The following AOC1 variants were observed in gnomAD, a reference collection of about 807,000 sequenced individuals.
The protein encoded by AOC1 is amine oxidase copper containing 1.
Under a neutral mutation model 57.1 loss-of-function variants are expected in AOC1, and 58 were observed. The observed-to-expected ratio is 1.02, with a 90% CI of 0.82 to 1.26. AOC1 has a LOEUF of 1.26. AOC1 is among the 50% of genes most tolerant of loss of function. AOC1 has a pLI of 0.00. For synonymous variants in AOC1, 401 were observed against 423.4 expected, an observed-to-expected ratio of 0.95 and a Z score of 0.65; for missense variants, 917 against 1,005.3, an observed-to-expected ratio of 0.91 and a Z score of 1.19.
intron 3 of AOC1, among the ~76,000 whole-genome samples, chr7:150,859,501 A>C (rs568631479): frequency 6.6e-6 from 1 of 151,842 alleles, no homozygotes; most frequent in African/African-American, 2.4e-5. Context: ...CAGGAGATCA[A>C]GACCATCCTG....
chr7:150,856,368 C>G lies in AOC1; in HGVS notation c.-16-87C>G. 1 of 1,462,854 alleles carries G rather than the reference C, an allele frequency of 6.8e-7. No homozygotes were observed. The highest frequency in any genetic ancestry group is 9.1e-7 in the Non-Finnish European group (1 of 1,103,496). 90.6% of individuals were successfully genotyped at this position (1,462,854 alleles called of 1,614,324 possible). A position where few individuals can be genotyped will look rare whatever the true frequency, so the allele number is the denominator to read the frequency against. On this transcript the variant is annotated intron_variant, in intron 1 of 4. Transcript: ENST00000360937. The surrounding 1 kb of genome is among the most constrained non-coding windows in gnomAD (Gnocchi z 5.2). ...GCAGGGCAAGGGGAGGAAGCTCAGT[C>G]CATGGGAAAATTCCATGGCCCTAAC...
At chr7:150,853,661 CTATATATATATATATATATATATA>C (rs201712777) in intron 1 of AOC1, among the ~76,000 whole-genome samples, 6 of 62,764 alleles carry the variant, frequency 9.6e-5, no homozygotes, top group African/African-American at 2.6e-4. Context: ...GAGATCCTGA[CTATATATATATATATATATATATA>C]TATATATATA....
Position 150,861,218 on chromosome 7 carries a change from C to G in AOC1, c.*9C>G, listed in dbSNP as rs749945589. On this transcript the variant is annotated 3_prime_UTR_variant, in exon 5 of 5. Transcript: ENST00000360937. This position sits in a 1 kb window ranked among gnomAD's most constrained non-coding sequence, Gnocchi z 4.5. ...CCTATAGACCTGTGTGACCAGCCCC[C>G]AGTTCCTCCCCCAGTTCCTCCCAGG... The G allele has an allele frequency of 3.8e-6, 6 of 1,559,046 alleles. No individual in the cohort carries two copies. The South Asian group carries it at 7.1e-5, about 19-fold the overall frequency.
intron 1 of AOC1, among the ~76,000 whole-genome samples, chr7:150,854,636 G>A (rs541461433): frequency 3.9e-5 from 6 of 152,270 alleles, no homozygotes; most frequent in South Asian, 4.1e-4. Context: ...AAAAAGCCAC[G>A]GGAAAACAGG....
chr7:150,860,340 G>A (rs1799930322), intron 3 of AOC1, 161 bp from the exon 4 acceptor site: 1 of 1,313,974 alleles, frequency 7.6e-7, no homozygotes, highest in East Asian at 2.4e-5. Flanking sequence ...CCTGAACCCG[G>A]TTAACAGCAG....
rs200778786 is a variant in AOC1 at position 150,857,222 on chromosome 7, G to C, written c.752G>C (p.Arg251Pro). 1 of 1,612,746 alleles carries C rather than the reference G, an allele frequency of 6.2e-7. No homozygotes were observed. The highest frequency in any genetic ancestry group is 1.1e-5 in the South Asian group (1 of 90,838). ...KFYGSPEELA[R>P]KYADGEVDVV... ...TATGGGAGCCCAGAGGAACTGGCTC[G>C]GAAGTATGCAGATGGAGAGGTGGAC... Residue 251 changes from arginine (R) to proline (P), a missense_variant, in exon 2 of 5, where the codon CGG (arginine) becomes CCG (proline). Arg to Pro is a moderately radical substitution (Grantham distance 103, BLOSUM62 -2). Coordinates refer to ENST00000360937, the MANE Select transcript of AOC1 (RefSeq NM_001091.4). This position sits in a 1 kb window ranked among gnomAD's most constrained non-coding sequence, Gnocchi z 6.6.
intron 2 of AOC1, 97 bp from the exon 3 acceptor site, chr7:150,858,666 G>C: frequency 7.5e-7 from 1 of 1,325,284 alleles, no homozygotes; most frequent in South Asian, 1.5e-5. Flanking sequence ...ACAGTTGGCT[G>C]TTGGATGTGG....
At chr7:150,858,513 C>T (rs1355036075) in intron 2 of AOC1, among the ~76,000 whole-genome samples, 1 of 152,098 alleles carries the variant, frequency 6.6e-6, no homozygotes, top group Non-Finnish European at 1.5e-5. Flanking sequence ...GCCTCCCATG[C>T]CTGGAGAAAA....
chr7:150,858,266 C>T (rs915735823), intron 2 of AOC1, among the ~76,000 whole-genome samples: 2 of 152,100 alleles, frequency 1.3e-5, no homozygotes, highest in African/African-American at 4.8e-5. Flanking sequence ...CTGTCCTGAC[C>T]CTGGGGCTGT....
Position 150,856,656 on chromosome 7 carries a change from C to A in AOC1, c.186C>A (p.Thr62=), listed in dbSNP as rs202051008. ...TGAGGCTGCAGCCCTCCAGTACCACCACCATGGCCAAGAACACCGTGTTTC... is the reference window on the plus strand; with the variant it reads ...TGAGGCTGCAGCCCTCCAGTACCACAACCATGGCCAAGAACACCGTGTTTC... The part of the protein sequence containing the change: ...KELRLQPSST[T]TMAKNTVFLI... Residue 62 remains threonine (T), a synonymous_variant, in exon 2 of 5, where the codon ACC becomes ACA. Transcript: ENST00000360937. The surrounding 1 kb of genome is among the most constrained non-coding windows in gnomAD (Gnocchi z 5.2). 7.7e-5 allele frequency: 125 copies of A among 1,614,170 alleles called. No individual in the cohort carries two copies. In the African/African-American group the frequency reaches 1.5e-3, roughly 19 times the overall value.
In AOC1 at chr7:150,857,034, C is replaced by A. The variant is rs1402263566; in HGVS notation, c.564C>A (p.Ala188=). 6.2e-7 allele frequency: 1 copy of A among 1,614,028 alleles called. No homozygotes were observed. The highest frequency in any genetic ancestry group is 8.5e-7 in the Non-Finnish European group (1 of 1,180,012). ...HDRCLAFTDV[A]PRGVASGQRR... Reference sequence around the variant, plus strand: ...GATGCCTGGCCTTCACCGATGTGGCCCCCCGGGGTGTGGCTTCTGGCCAGC... The same window carrying A: ...GATGCCTGGCCTTCACCGATGTGGCACCCCGGGGTGTGGCTTCTGGCCAGC... Residue 188 remains alanine (A), a synonymous_variant, in exon 2 of 5, where the codon GCC becomes GCA. Coordinates refer to ENST00000360937, the MANE Select transcript of AOC1 (RefSeq NM_001091.4). This position sits in a 1 kb window ranked among gnomAD's most constrained non-coding sequence, Gnocchi z 6.6.
intron 2 of AOC1, among the ~76,000 whole-genome samples, chr7:150,858,477 C>T (rs1227358091): frequency 6.6e-6 from 1 of 152,176 alleles, no homozygotes; most frequent in Non-Finnish European, 1.5e-5. Flanking sequence ...TCCTACCCCT[C>T]AGCCCCAGTC....
intron 1 of AOC1, among the ~76,000 whole-genome samples, chr7:150,854,370 G>A (rs45476794): frequency 0.012 from 1,864 of 152,322 alleles, 36 homozygotes; most frequent in African/African-American, 0.042. Flanking sequence ...GTGGCCTCCA[G>A]GGCTAGAGAG....
At chr7:150,860,704 A>C in intron 4 of AOC1, 71 bp downstream of exon 4, 3 of 1,553,064 alleles carry the variant, frequency 1.9e-6, no homozygotes, top group Non-Finnish European at 2.6e-6. Flanking sequence ...GACCATCCTC[A>C]TCACCATCAG....
At chr7:150,855,643 A>G (rs1467880442) in intron 1 of AOC1, among the ~76,000 whole-genome samples, 1 of 152,082 alleles carries the variant, frequency 6.6e-6, no homozygotes, top group Non-Finnish European at 1.5e-5. Flanking sequence ...GGGCACCTCT[A>G]CCTCACCCCC....
At position 150,861,438 on chromosome 7, in the gene AOC1, G is replaced by A. The variant is rs1033435266; in HGVS notation, c.*229G>A. The stretch of plus-strand genomic sequence containing the variant: ...CACACAGACGTGCACGCACTCACAC[G>A]GACATGCACACACATGGCATGTACT... On this transcript the variant is annotated 3_prime_UTR_variant, in exon 5 of 5. Coordinates refer to ENST00000360937, the MANE Select transcript of AOC1 (RefSeq NM_001091.4). The surrounding 1 kb of genome is among the most constrained non-coding windows in gnomAD (Gnocchi z 4.5). 1.5e-5 allele frequency: 7 copies of A among 482,752 alleles called. No individual in the cohort carries two copies. Among genetic ancestry groups the A allele is most frequent in the Admixed American group, 1.0e-4 (3 of 28,958 alleles). 29.9% of individuals were successfully genotyped at this position (482,752 alleles called of 1,614,324 possible). A position where few individuals can be genotyped will look rare whatever the true frequency, so the allele number is the denominator to read the frequency against.
chr7:150,860,533 C>T lies in AOC1; in HGVS notation c.1889C>T (p.Ser630Leu), dbSNP rs757425673. Residue 630 changes from serine (S) to leucine (L), a missense_variant, in exon 4 of 5, where the codon TCG (serine) becomes TTG (leucine). Transcript: ENST00000360937. ...YPLAVTKYRE[S>L]ELCSSSIYHQ... ...CTGGCAGTGACCAAGTACCGGGAGT[C>T]GGAGCTGTGCAGCAGCAGCATCTAC... The T allele has an allele frequency of 1.4e-5, 22 of 1,613,922 alleles. No individual in the cohort carries two copies. The highest frequency in any genetic ancestry group is 1.7e-5 in the Non-Finnish European group (20 of 1,179,948).
rs779649092 is a variant in AOC1 at position 150,858,835 on chromosome 7, G to A, written c.1643G>A (p.Arg548His). ...NITNPWSPRH[R>H]VVQPTLEQTQ... ...ACCAACCCCTGGAGCCCAAGACACC[G>A]CGTGGTCCAGCCAACTCTGGAGCAG... The change falls in exon 3 of 5, where the codon CGC (arginine) becomes CAC (histidine). Residue 548 changes from arginine to histidine, a missense_variant. Physicochemically the swap from Arg to His is conservative, Grantham distance 29. Coordinates refer to ENST00000360937, the MANE Select transcript of AOC1 (RefSeq NM_001091.4). 1.5e-5 allele frequency: 24 copies of A among 1,613,852 alleles called. No homozygotes were observed. The highest frequency in any genetic ancestry group is 1.1e-4 in the East Asian group (5 of 44,878).
At chr7:150,853,725 TAAG>T (rs1232358890) in intron 1 of AOC1, among the ~76,000 whole-genome samples, 1 of 145,238 alleles carries the variant, frequency 6.9e-6, no homozygotes, top group Non-Finnish European at 1.5e-5. Context: ...TTAAGTCTAA[TAAG>T]AAGTCTATTT....
Sources: gnomAD v4.1 joint callset for allele counts (sites outside exome capture counted in the v4.1 genomes callset) on GRCh38, gnomAD v4.1.1 for gene constraint, Gnocchi (gnomAD v3.1) non-coding constraint, MANE v1.5 for transcripts, NCBI Gene and HGNC (gene_info 2026-07-23, HGNC 2026-07-21) for gene names.